PPARGC1A: variants seen among roughly 807,000 people sequenced by gnomAD.
The protein encoded by PPARGC1A is PPARG coactivator 1 alpha.
PPARGC1A carries 25 observed loss-of-function variants against 88.7 expected under a neutral mutation model. That is an observed-to-expected ratio of 0.28 (90% CI 0.21 to 0.39). The LOEUF is 0.39. PPARGC1A is among the 10% of genes least tolerant of loss of function. PPARGC1A has a pLI of 1.00. For missense variants in PPARGC1A, 880 were observed against 968.7 expected (o/e 0.91, Z 1.22); for synonymous variants, 363 against 355.6 (o/e 1.02, Z -0.24).
At chr4:24,149,597 G>A in the PPARGC1A span, among the ~76,000 whole-genome samples, 2 of 152,112 alleles carry the variant, frequency 1.3e-5, no homozygotes, top group Admixed American at 6.5e-5. Context: ...CACATTTCCT[G>A]ATGTGAATGA....
At chr4:24,223,106 AC>A in the PPARGC1A span, among the ~76,000 whole-genome samples, 1 of 152,152 alleles carries the variant, frequency 6.6e-6, no homozygotes, top group African/African-American at 2.4e-5. Flanking sequence ...TATAAAATTT[AC>A]CCCTATAAAT....
chr4:24,421,885 T>G, the PPARGC1A span, among the ~76,000 whole-genome samples: 1 of 152,196 alleles, frequency 6.6e-6, no homozygotes, highest in East Asian at 1.9e-4. Flanking sequence ...AATACTGCTT[T>G]TCCATGGTAG....
chr4:23,814,542 G>A lies in PPARGC1A; in HGVS notation c.941C>T (p.Pro314Leu). 2 of 1,612,534 alleles carry A rather than the reference G, an allele frequency of 1.2e-6. No individual in the cohort carries two copies. The highest frequency in any genetic ancestry group is 1.7e-6 in the Non-Finnish European group (2 of 1,179,734). The change falls in exon 8 of 13, where the codon CCA (proline) becomes CTA (leucine). Residue 314 changes from proline (P) to leucine (L), a missense_variant. Coordinates refer to ENST00000264867, the MANE Select transcript of PPARGC1A (RefSeq NM_013261.5). The part of the protein sequence containing the change: ...ANQDNPFRAS[P>L]KLKSSCKTVV... ...AGTCTTGCAAGAGGACTTCAGCTTT[G>A]GAGAAGCCCTAAAAGGGTTATCTTG... is the stretch of plus-strand genomic sequence containing the variant.
At chr4:24,178,106 C>G in the PPARGC1A span, among the ~76,000 whole-genome samples, 3 of 152,172 alleles carry the variant, frequency 2.0e-5, no homozygotes, top group Non-Finnish European at 2.9e-5. Flanking sequence ...GCCTTTGAGC[C>G]TATTGTATAA....
the PPARGC1A span, among the ~76,000 whole-genome samples, chr4:24,055,462 GA>G: frequency 6.6e-6 from 1 of 152,132 alleles, no homozygotes; most frequent in Non-Finnish European, 1.5e-5. Context: ...GAGAAACAAA[GA>G]AAAGATGTTT....
At chr4:24,450,938 C>A in the PPARGC1A span, among the ~76,000 whole-genome samples, 1 of 152,148 alleles carries the variant, frequency 6.6e-6, no homozygotes, top group African/African-American at 2.4e-5. Context: ...TCTCAGAAAC[C>A]AAAAGCTGTC....
the PPARGC1A span, among the ~76,000 whole-genome samples, chr4:24,351,598 C>CA: frequency 1.4e-4 from 21 of 151,892 alleles, no homozygotes; most frequent in African/African-American, 5.1e-4. Context: ...CTCCATTTAC[C>CA]AAAAAAATTC....
At chr4:23,888,372 T>A (rs1044415260) in intron 1 of PPARGC1A, among the ~76,000 whole-genome samples, 1 of 152,216 alleles carries the variant, frequency 6.6e-6, no homozygotes, top group Non-Finnish European at 1.5e-5. Flanking sequence ...TCTTCCTTAT[T>A]TCCATATGAT....
At chr4:23,820,771 C>T in intron 7 of PPARGC1A, 1 of 196,824 alleles carries the variant, frequency 5.1e-6, no homozygotes, top group South Asian at 6.8e-5. Flanking sequence ...AAAGACACTG[C>T]AGATGGGGCA....
intron 1 of PPARGC1A, among the ~76,000 whole-genome samples, chr4:23,885,161 G>A (rs1286576457): frequency 6.6e-6 from 1 of 152,044 alleles, no homozygotes. Flanking sequence ...CCAAACACAT[G>A]GTAAATACCA....
chr4:24,404,670 A>G, the PPARGC1A span, among the ~76,000 whole-genome samples: 1 of 152,222 alleles, frequency 6.6e-6, no homozygotes, highest in African/African-American at 2.4e-5. Context: ...CTCAGGCATT[A>G]GGACGTGGCA....
the PPARGC1A span, among the ~76,000 whole-genome samples, chr4:24,351,339 G>GC: frequency 6.6e-6 from 1 of 150,918 alleles, no homozygotes; most frequent in Admixed American, 6.6e-5. Flanking sequence ...TGAGGCTGCA[G>GC]TGAGCTGTGA....
At chr4:23,832,240 A>G (rs1181811192) in intron 2 of PPARGC1A, among the ~76,000 whole-genome samples, 2 of 152,158 alleles carry the variant, frequency 1.3e-5, no homozygotes, top group Non-Finnish European at 2.9e-5. Flanking sequence ...GAAAGCAACT[A>G]TACACTTTCA....
At chr4:23,830,833 CTCTT>C (rs1724864892) in intron 3 of PPARGC1A, among the ~76,000 whole-genome samples, 4 of 152,168 alleles carry the variant, frequency 2.6e-5, no homozygotes, top group African/African-American at 9.7e-5. Context: ...AGAAAATTCT[CTCTT>C]CATTTCCAAC....
chr4:24,058,243 C>G, the PPARGC1A span, among the ~76,000 whole-genome samples: 1 of 152,072 alleles, frequency 6.6e-6, no homozygotes, highest in African/African-American at 2.4e-5. Context: ...ATCTCATGGT[C>G]CAAGGCTAAT....
the PPARGC1A span, among the ~76,000 whole-genome samples, chr4:23,942,001 T>C: frequency 2.0e-5 from 3 of 152,132 alleles, no homozygotes; most frequent in Non-Finnish European, 2.9e-5. Flanking sequence ...GGATAGGCTT[T>C]AGCTCTTAAA....
intron 2 of PPARGC1A, among the ~76,000 whole-genome samples, chr4:23,853,294 A>T (rs1430574946): frequency 6.6e-6 from 1 of 152,196 alleles, no homozygotes; most frequent in Non-Finnish European, 1.5e-5. Context: ...TAAGATAGAA[A>T]CATGGTACAG....
intron 10 of PPARGC1A, among the ~76,000 whole-genome samples, chr4:23,805,542 C>T (rs900805678): frequency 6.6e-6 from 1 of 152,140 alleles, no homozygotes; most frequent in African/African-American, 2.4e-5. Context: ...GAGCACCGAG[C>T]ACATCCTGGC....
chr4:23,905,658 AG>A (rs1271602379), upstream of PPARGC1A, among the ~76,000 whole-genome samples: 21 of 152,358 alleles, frequency 1.4e-4, no homozygotes, highest in Admixed American at 1.0e-3. Context: ...GTAGTTCTGT[AG>A]ATTATCTCAT....
Sources: gnomAD v4.1 joint callset for allele counts (sites outside exome capture counted in the v4.1 genomes callset) on GRCh38, gnomAD v4.1.1 for gene constraint, MANE v1.5 for transcripts, NCBI Gene and HGNC (gene_info 2026-07-23, HGNC 2026-07-21) for gene names.